The following PCSK5 variants were observed in gnomAD, a reference collection of about 807,000 sequenced individuals.
PCSK5 encodes the protein proprotein convertase subtilisin/kexin type 5, also known as prohormone convertase 5.
PCSK5 carries 129 observed loss-of-function variants against 233.2 expected under a neutral mutation model. The observed-to-expected ratio is 0.55, with a 90% CI of 0.48 to 0.64. The LOEUF is 0.64. Ranked by LOEUF, PCSK5 falls within the 30% of genes least tolerant of loss-of-function variation. PCSK5 has a pLI of 0.00. For synonymous variants in PCSK5, 825 were observed against 879.2 expected (o/e 0.94, Z 1.09); for missense variants, 2,076 against 2,430.1 (o/e 0.85, Z 3.06).
intron 20 of PCSK5, among the ~76,000 whole-genome samples, chr9:76,220,510 G>A (rs1348870444): frequency 6.7e-5 from 9 of 134,440 alleles, no homozygotes; most frequent in African/African-American, 2.3e-4. Flanking sequence ...CTGGGCGACC[G>A]AGCAAGACTC....
chr9:76,140,287 T>C (rs1246155546), intron 10 of PCSK5, among the ~76,000 whole-genome samples: 2 of 152,252 alleles, frequency 1.3e-5, no homozygotes, highest in East Asian at 3.9e-4. Flanking sequence ...GCCAAAATCT[T>C]AAGAGCCTTT....
At chr9:76,267,950 T>TAC (rs10539241) in intron 24 of PCSK5, among the ~76,000 whole-genome samples, 590 of 149,412 alleles carry the variant, frequency 3.9e-3, no homozygotes, top group African/African-American at 8.4e-3. Context: ...CTTATGGGTA[T>TAC]ACACACACAC....
intron 16 of PCSK5, among the ~76,000 whole-genome samples, chr9:76,184,386 AG>A (rs1467673472): frequency 2.0e-4 from 2 of 9,970 alleles, no homozygotes; most frequent in African/African-American, 4.8e-4. Context: ...AGGAAGAAGA[AG>A]AAAAAAAAAA....
chr9:76,325,225 G>A (rs1302210742), intron 32 of PCSK5, among the ~76,000 whole-genome samples: 1 of 152,184 alleles, frequency 6.6e-6, no homozygotes, highest in Non-Finnish European at 1.5e-5. Context: ...CAGGCCTCCA[G>A]CGCCATCTTG....
chr9:76,273,374 T>C (rs1351565597), intron 24 of PCSK5, among the ~76,000 whole-genome samples: 1 of 152,004 alleles, frequency 6.6e-6, no homozygotes, highest in African/African-American at 2.4e-5. Context: ...CTGAGCTAAG[T>C]ATTGTACTAG....
At chr9:76,304,455 A>C (rs1828713602) in intron 28 of PCSK5, among the ~76,000 whole-genome samples, 1 of 152,216 alleles carries the variant, frequency 6.6e-6, no homozygotes. Flanking sequence ...GAGGGGAGTA[A>C]AACAAGCCTC....
intron 9 of PCSK5, among the ~76,000 whole-genome samples, chr9:76,114,915 C>T (rs957716528): frequency 6.6e-6 from 1 of 151,902 alleles, no homozygotes; most frequent in Non-Finnish European, 1.5e-5. Context: ...ATTTGGGAAG[C>T]CAGTGTAGTA....
At chr9:75,975,708 G>GA (rs1248589462) in intron 2 of PCSK5, among the ~76,000 whole-genome samples, 1 of 152,196 alleles carries the variant, frequency 6.6e-6, no homozygotes, top group Non-Finnish European at 1.5e-5. Flanking sequence ...GTTTTAAGGT[G>GA]AAATTGTCAT....
chr9:76,312,703 C>T (rs1828898500), intron 30 of PCSK5, among the ~76,000 whole-genome samples: 1 of 152,056 alleles, frequency 6.6e-6, no homozygotes. Flanking sequence ...CTCAACAACA[C>T]AGATTTAGCA....
chr9:76,187,458 C>T (rs1474179268), intron 17 of PCSK5, among the ~76,000 whole-genome samples: 1 of 151,986 alleles, frequency 6.6e-6, no homozygotes, highest in Non-Finnish European at 1.5e-5. Context: ...AACTCATGGG[C>T]TCAAGCAATC....
At chr9:76,351,512 GAAAGAAAGAAAGAAAGA>G (rs1564196854) in intron 36 of PCSK5, among the ~76,000 whole-genome samples, 31 of 109,038 alleles carry the variant, frequency 2.8e-4, no homozygotes, top group African/African-American at 9.2e-4. Flanking sequence ...AAGAAAGAAA[GAAAGAAAGAAAGAAAGA>G]AAGGAAGGAA....
In PCSK5 at chr9:76,350,903, T is replaced by C. The variant is rs755703937; in HGVS notation, c.5042T>C (p.Leu1681Pro). ...GGAGGGATCTGCACCTCGGACTGTC[T>C]TGTGGGGGAATACAGAGTGGGAGAG... The part of the protein sequence containing the change: ...LMGGICTSDC[L>P]VGEYRVGEGE... The change falls in exon 36 of 38, where the codon CTT becomes CCT. Residue 1681 changes from leucine (L) to proline (P), a missense_variant. Physicochemically the swap from Leu to Pro is moderately conservative, Grantham distance 98 (BLOSUM62 -3). This residue lies in a region of PCSK5 where 1,510 missense variants were observed against 1,538.1 expected (regional missense o/e 0.98). Transcript: ENST00000674117. 6 of 1,605,294 alleles carry C rather than the reference T, an allele frequency of 3.7e-6. No individual in the cohort carries two copies. In the African/African-American group the frequency reaches 5.3e-5, roughly 14 times the overall value.
intron 5 of PCSK5, among the ~76,000 whole-genome samples, chr9:76,043,336 A>G (rs1411574087): frequency 2.1e-5 from 1 of 47,946 alleles, no homozygotes; most frequent in Non-Finnish European, 5.6e-5. Flanking sequence ...ACTCCATCTC[A>G]AAAAAAAAAA....
intron 8 of PCSK5, 126 bp from the exon 9 acceptor site, chr9:76,107,124 AG>A (rs1367008275): frequency 8.8e-6 from 5 of 569,388 alleles, no homozygotes; most frequent in Middle Eastern, 4.6e-4. Context: ...ACAGGCGTGT[AG>A]GAACAAGGAA....
intron 1 of PCSK5, among the ~76,000 whole-genome samples, chr9:75,914,537 C>A (rs1822896438): frequency 6.6e-6 from 1 of 151,996 alleles, no homozygotes; most frequent in Admixed American, 6.6e-5. Flanking sequence ...GAGTTGGGAG[C>A]AAGAATGTCA....
At position 76,362,698 on chromosome 9, in the gene PCSK5, A is replaced by C. The variant is rs1830448319; in HGVS notation, c.*3776A>C. Among the ~76,000 whole-genome samples, 1 of 152,168 alleles carries C rather than the reference A, an allele frequency of 6.6e-6. No individual in the cohort carries two copies. The highest frequency in any genetic ancestry group is 2.4e-5 in the African/African-American group (1 of 41,440). ...CCCTGGGCCTGGCAGTTAAAGATCGACCTCTGACCTAACCGGTTATGTTAT... is the reference window on the plus strand; with the variant it reads ...CCCTGGGCCTGGCAGTTAAAGATCGCCCTCTGACCTAACCGGTTATGTTAT... On this transcript the variant is annotated 3_prime_UTR_variant, in exon 38 of 38. Transcript: ENST00000674117.
At chr9:76,155,819 G>A (rs559003376) in intron 10 of PCSK5, among the ~76,000 whole-genome samples, 3 of 152,292 alleles carry the variant, frequency 2.0e-5, no homozygotes, top group Non-Finnish European at 4.4e-5. Context: ...AGGCCTTCAG[G>A]AACTTATAAG....
intron 7 of PCSK5, among the ~76,000 whole-genome samples, chr9:76,083,204 C>CAAAAAAA (rs11324176): frequency 2.8e-4 from 21 of 75,414 alleles, no homozygotes; most frequent in Non-Finnish European, 3.6e-4. Context: ...AGCGAGATCT[C>CAAAAAAA]AAAAAAAAAA....
intron 20 of PCSK5, among the ~76,000 whole-genome samples, chr9:76,208,622 C>G (rs1825212693): frequency 2.0e-5 from 3 of 152,206 alleles, no homozygotes; most frequent in Admixed American, 2.0e-4. Context: ...CTCTGTCAAT[C>G]TAATTTATAA....
Sources: gnomAD v4.1 joint callset for allele counts (sites outside exome capture counted in the v4.1 genomes callset) on GRCh38, gnomAD v4.1.1 for gene constraint, gnomAD v4.1.1 regional missense constraint, MANE v1.5 for transcripts, NCBI Gene and HGNC (gene_info 2026-07-23, HGNC 2026-07-21) for gene names.